Variants in FLRT2 observed in about 807,000 individuals in gnomAD.
FLRT2 encodes the protein leucine-rich repeat transmembrane protein FLRT2.
In FLRT2, 15 loss-of-function variants were observed where a neutral mutation model predicts 40.0. The observed-to-expected ratio is 0.38, with a 90% CI of 0.25 to 0.58. The LOEUF (loss-of-function observed/expected upper bound fraction) is 0.58, where lower values mean the gene tolerates loss of function less well. Among genes scored for constraint, FLRT2 ranks in the 20% least tolerant of loss-of-function variants. The pLI is 0.71. For missense variants in FLRT2, 726 were observed against 840.0 expected (o/e 0.86, Z 1.68); for synonymous variants, 380 against 336.8 (o/e 1.13, Z -1.41).
intron 1 of FLRT2, among the ~76,000 whole-genome samples, chr14:85,595,446 G>GAAA (rs140209277): frequency 7.6e-6 from 1 of 132,354 alleles, no homozygotes; most frequent in Non-Finnish European, 1.6e-5. Context: ...AGTAAGATGT[G>GAAA]AAAAAAAAAA....
At chr14:85,552,354 A>C (rs1889681974) in intron 1 of FLRT2, among the ~76,000 whole-genome samples, 1 of 152,184 alleles carries the variant, frequency 6.6e-6, no homozygotes. Flanking sequence ...TGGGGATAGC[A>C]GTAATAAAAC....
chr14:85,643,241 C>A lies in FLRT2; in HGVS notation c.*19744C>A, dbSNP rs894248365. 1 of 152,128 alleles carries A rather than the reference C, an allele frequency of 6.6e-6. No homozygotes were observed. Among genetic ancestry groups the A allele is most frequent in the African/African-American group, 2.4e-5 (1 of 41,404 alleles). 9.4% of individuals were successfully genotyped at this position (152,128 alleles called of 1,614,324 possible). A position where few individuals can be genotyped will look rare whatever the true frequency, so the allele number is the denominator to read the frequency against. On this transcript the variant is annotated 3_prime_UTR_variant, in exon 2 of 2. Transcript: ENST00000330753. ...TTGGAGTAACCCATCATATGATTCA[C>A]TTTAATGTCTAAAAACATCTCATGA...
At chr14:85,595,308 T>G (rs1595065902) in intron 1 of FLRT2, among the ~76,000 whole-genome samples, 1 of 152,154 alleles carries the variant, frequency 6.6e-6, no homozygotes, top group Non-Finnish European at 1.5e-5. Flanking sequence ...CATATAATCC[T>G]AGGATCAAGT....
intron 1 of FLRT2, among the ~76,000 whole-genome samples, chr14:85,615,042 C>T (rs1893061523): frequency 6.6e-6 from 1 of 152,152 alleles, no homozygotes; most frequent in Admixed American, 6.5e-5. Flanking sequence ...GGACCAACTA[C>T]CCAACCAGTT....
rs570525234 is a variant in FLRT2 at position 85,612,492 on chromosome 14, T to G, written c.-376-8647T>G. 6.6e-5 allele frequency among the ~76,000 whole-genome samples: 10 copies of G among 152,334 alleles called. No homozygotes were observed. In the East Asian group the frequency reaches 1.7e-3, roughly 26 times the overall value. Reference sequence around the variant, plus strand: ...TTGAGGCAGCTTATCTGGGTTTTATTTAAAGCTTTAGAATGACTCGATTTG... The same window carrying G: ...TTGAGGCAGCTTATCTGGGTTTTATGTAAAGCTTTAGAATGACTCGATTTG... On this transcript the variant is annotated intron_variant, in intron 1 of 1. Transcript: ENST00000330753.
At chr14:85,537,848 T>TTG (rs1352062191) in intron 1 of FLRT2, among the ~76,000 whole-genome samples, 6 of 151,324 alleles carry the variant, frequency 4.0e-5, no homozygotes, top group Admixed American at 1.3e-4. Flanking sequence ...ATGTTTTGTT[T>TTG]TTTTTTTTTC....
rs987794434 is a variant in FLRT2 at position 85,633,645 on chromosome 14, A to G, written c.*10148A>G. 6.6e-6 allele frequency: 1 copy of G among 151,588 alleles called. No homozygotes were observed. The highest frequency in any genetic ancestry group is 1.5e-5 in the Non-Finnish European group (1 of 67,904). The allele number at this position is 151,588 out of a possible 1,614,324, so 9.4% of individuals were successfully genotyped here. A position where few individuals can be genotyped will look rare whatever the true frequency, so the allele number is the denominator to read the frequency against. On this transcript the variant is annotated 3_prime_UTR_variant, in exon 2 of 2. Coordinates refer to ENST00000330753, the MANE Select transcript of FLRT2 (RefSeq NM_013231.6). ...GAGACCCTATCTCTAAAAAAAAAAA[A>G]AAAAATTAGCCAGGAGTGGTGGCAT... is the stretch of plus-strand genomic sequence containing the variant.
intron 1 of FLRT2, among the ~76,000 whole-genome samples, chr14:85,585,837 G>T (rs529781329): frequency 1.1e-4 from 16 of 152,168 alleles, no homozygotes; most frequent in African/African-American, 3.9e-4. Flanking sequence ...GGGAACCAAA[G>T]ATGAGCAGCT....
At chr14:85,609,672 T>A (rs1302710240) in intron 1 of FLRT2, among the ~76,000 whole-genome samples, 1 of 152,114 alleles carries the variant, frequency 6.6e-6, no homozygotes, top group Non-Finnish European at 1.5e-5. Flanking sequence ...AGAGCATGAG[T>A]GGGCACCTGC....
rs1381074424 is a variant in FLRT2, at chr14:85,649,337, G to A, written c.*25840G>A. 1 of 152,074 alleles carries A rather than the reference G, an allele frequency of 6.6e-6. No individual in the cohort carries two copies. The allele number at this position is 152,074 out of a possible 1,614,324, so 9.4% of individuals were successfully genotyped here. A position where few individuals can be genotyped will look rare whatever the true frequency, so the allele number is the denominator to read the frequency against. On this transcript the variant is annotated 3_prime_UTR_variant, in exon 2 of 2. Transcript: ENST00000330753. ...GAAGCAGATAAAATATGTTGCAGAT[G>A]CTGTAACTCTTATTTGCATCCATTG...
In FLRT2 at chr14:85,614,260, A is replaced by G. The variant is rs138345701; in HGVS notation, c.-376-6879A>G. The stretch of plus-strand genomic sequence containing the variant: ...AGCTCTTGCTCATAACACCTTTTCT[A>G]CCTCTCTTAAACCAGTTTATTGAGT... On this transcript the variant is annotated intron_variant, in intron 1 of 1. Transcript: ENST00000330753. 4.2e-3 allele frequency among the ~76,000 whole-genome samples: 645 copies of G among 152,102 alleles called. 9 individuals are homozygous for G. The highest frequency in any genetic ancestry group is 0.015 in the African/African-American group (607 of 41,470).
chr14:85,635,454 AT>A lies in FLRT2; in HGVS notation c.*11960del, dbSNP rs906786811. 1 of 152,122 alleles carries A rather than the reference AT, an allele frequency of 6.6e-6. No individual in the cohort carries two copies. The highest frequency in any genetic ancestry group is 2.4e-5 in the African/African-American group (1 of 41,464). The allele number at this position is 152,122 out of a possible 1,614,324, so 9.4% of individuals were successfully genotyped here. A position where few individuals can be genotyped will look rare whatever the true frequency, so the allele number is the denominator to read the frequency against. On this transcript the variant is annotated 3_prime_UTR_variant, in exon 2 of 2. Transcript: ENST00000330753. The stretch of plus-strand genomic sequence containing the variant: ...AAGTAGACTATTAATAAAACACTTT[AT>A]TTAAGTCAAAATTATCAAAGATAGA...
intron 1 of FLRT2, among the ~76,000 whole-genome samples, chr14:85,586,379 A>G (rs1891615726): frequency 6.6e-6 from 1 of 152,122 alleles, no homozygotes; most frequent in African/African-American, 2.4e-5. Context: ...CAATACTGAT[A>G]TAAGAAACAA....
At chr14:85,575,196 TG>T (rs1891074560) in intron 1 of FLRT2, among the ~76,000 whole-genome samples, 1 of 152,140 alleles carries the variant, frequency 6.6e-6, no homozygotes, top group African/African-American at 2.4e-5. Context: ...GAGCCTGCAA[TG>T]GGGGTTGTGA....
At chr14:85,617,740 A>C (rs1434922455) in intron 1 of FLRT2, among the ~76,000 whole-genome samples, 1 of 152,190 alleles carries the variant, frequency 6.6e-6, no homozygotes, top group Non-Finnish European at 1.5e-5. Context: ...TGATACACGG[A>C]ACAGAACAAA....
intron 1 of FLRT2, among the ~76,000 whole-genome samples, chr14:85,617,613 A>C (rs1416626004): frequency 1.3e-5 from 2 of 152,178 alleles, no homozygotes; most frequent in African/African-American, 2.4e-5. Context: ...AAGAAAATTT[A>C]AATTTAAAAA....
At chr14:85,618,892 G>A (rs950703662) in intron 1 of FLRT2, among the ~76,000 whole-genome samples, 14 of 152,068 alleles carry the variant, frequency 9.2e-5, no homozygotes, top group African/African-American at 3.4e-4. Context: ...AGATGTTAGG[G>A]AACATTAAGA....
intron 1 of FLRT2, among the ~76,000 whole-genome samples, chr14:85,619,786 T>A (rs2139366655): frequency 6.6e-6 from 1 of 152,298 alleles, no homozygotes; most frequent in Non-Finnish European, 1.5e-5. Flanking sequence ...ACCTTTCAAT[T>A]AACTTCTTTA....
chr14:85,621,706 C>T lies in FLRT2; in HGVS notation c.192C>T (p.Gly64=), dbSNP rs774494135. The part of the protein sequence containing the change: ...LTSVPLGIPE[G]VTVLYLHNNQ... ...CAGTGCCTCTTGGGATCCCGGAGGG[C>T]GTAACTGTACTCTACCTCCACAACA... The change falls in exon 2 of 2, where the codon GGC becomes GGT. Residue 64 remains glycine (G), a synonymous_variant. Coordinates refer to ENST00000330753, the MANE Select transcript of FLRT2 (RefSeq NM_013231.6). The T allele has an allele frequency of 9.3e-6, 15 of 1,613,976 alleles. No individual in the cohort carries two copies. The highest frequency in any genetic ancestry group is 8.9e-5 in the East Asian group (4 of 44,866).
Sources: allele counts gnomAD v4.1 joint callset (sites outside exome capture counted in the v4.1 genomes callset), GRCh38; gene constraint gnomAD v4.1.1; transcripts MANE v1.5; gene names NCBI Gene and HGNC (gene_info 2026-07-23, HGNC 2026-07-21).